PSMB7: variants seen among roughly 807,000 people sequenced by gnomAD.
PSMB7 encodes proteasome 20S subunit beta 7, also known as proteasome subunit beta type-7.
PSMB7 carries 5 observed loss-of-function variants against 28.1 expected under a neutral mutation model. The ratio of observed to expected loss-of-function variants is 0.18; its 90% CI spans 0.09 to 0.37. The LOEUF is 0.37. Among genes scored for constraint, PSMB7 ranks in the 10% least tolerant of loss-of-function variants. PSMB7 has a pLI of 1.00. For missense variants in PSMB7, 275 were observed against 346.2 expected (o/e 0.79, Z 1.63); for synonymous variants, 122 against 123.7 (o/e 0.99, Z 0.09).
At chr9:124,393,371 A>G (rs1311753957) in intron 5 of PSMB7, among the ~76,000 whole-genome samples, 3 of 152,218 alleles carry the variant, frequency 2.0e-5, no homozygotes, top group African/African-American at 7.2e-5. Flanking sequence ...TTGTCAGCAT[A>G]AACAGTTTAA....
At chr9:124,365,330 A>G (rs1470575707) in intron 6 of PSMB7, among the ~76,000 whole-genome samples, 1 of 152,216 alleles carries the variant, frequency 6.6e-6, no homozygotes, top group Non-Finnish European at 1.5e-5. Context: ...CGTGGGGTGC[A>G]GGTGATGGAG....
intron 6 of PSMB7, among the ~76,000 whole-genome samples, chr9:124,361,415 G>A (rs1290923610): frequency 6.6e-6 from 1 of 152,200 alleles, no homozygotes; most frequent in Non-Finnish European, 1.5e-5. Context: ...AGCTGTACCC[G>A]AGTGCTTGAG....
chr9:124,394,822 A>G (rs1455614019), intron 5 of PSMB7, among the ~76,000 whole-genome samples: 1 of 152,176 alleles, frequency 6.6e-6, no homozygotes, highest in Non-Finnish European at 1.5e-5. Flanking sequence ...CTTTGCAGCA[A>G]CCAAGAAACA....
intron 6 of PSMB7, among the ~76,000 whole-genome samples, chr9:124,382,824 A>AAG: frequency 6.6e-6 from 1 of 152,354 alleles, no homozygotes; most frequent in South Asian, 2.1e-4. Flanking sequence ...CAAACTCTAA[A>AAG]TAAGGTAAAA....
intron 5 of PSMB7, among the ~76,000 whole-genome samples, chr9:124,391,400 A>G (rs1361514977): frequency 6.6e-6 from 1 of 152,186 alleles, no homozygotes; most frequent in Non-Finnish European, 1.5e-5. Flanking sequence ...AGCCTGGGAG[A>G]TGGAGCTATC....
At chr9:124,372,976 A>G (rs1419006504) in intron 6 of PSMB7, among the ~76,000 whole-genome samples, 1 of 152,240 alleles carries the variant, frequency 6.6e-6, no homozygotes, top group Admixed American at 6.5e-5. Context: ...ACAAAATTCA[A>G]AAAGCAAGAA....
chr9:124,380,216 C>G (rs1830651392), intron 6 of PSMB7, among the ~76,000 whole-genome samples: 1 of 152,212 alleles, frequency 6.6e-6, no homozygotes, highest in Non-Finnish European at 1.5e-5. Flanking sequence ...AGTTTAATCC[C>G]TGGACTTACA....
chr9:124,365,688 G>A (rs748394603), intron 6 of PSMB7, among the ~76,000 whole-genome samples: 23 of 152,270 alleles, frequency 1.5e-4, no homozygotes, highest in African/African-American at 3.1e-4. Flanking sequence ...ACCCTGTAAC[G>A]CTGGGAGTCC....
At chr9:124,404,804 G>C (rs1351851506) in intron 5 of PSMB7, among the ~76,000 whole-genome samples, 1 of 152,094 alleles carries the variant, frequency 6.6e-6, no homozygotes, top group Non-Finnish European at 1.5e-5. Flanking sequence ...AGTGAGCCGA[G>C]ATCATGCCAC....
At position 124,412,419 on chromosome 9, in the gene PSMB7, A is replaced by C. The variant is rs762252807; in HGVS notation, c.328T>G (p.Ser110Ala). ...CTGGGAAGACGGCCAGTGGAGAGGG[A>C]GTGGAGCTCCAGGTTGGAAGAAATG... ...QLISSNLELH[S>A]LSTGRLPRVV... The change falls in exon 4 of 8, where the codon TCC (serine) becomes GCC (alanine). Residue 110 changes from serine to alanine, a missense_variant. This residue lies in a region of PSMB7 where 213 missense variants were observed against 302.4 expected (regional missense o/e 0.70). Transcript: ENST00000259457. The C allele has an allele frequency of 1.2e-6, 2 of 1,614,094 alleles. No homozygotes were observed. The highest frequency in any genetic ancestry group is 2.2e-5 in the South Asian group (2 of 91,084).
intron 6 of PSMB7, among the ~76,000 whole-genome samples, chr9:124,375,337 T>G (rs528944726): frequency 2.0e-5 from 3 of 151,562 alleles, no homozygotes; most frequent in East Asian, 1.9e-4. Context: ...ATTTTTTCTG[T>G]TTTTTTTGTA....
At chr9:124,413,348 G>A (rs1831049798) in intron 3 of PSMB7, among the ~76,000 whole-genome samples, 1 of 151,820 alleles carries the variant, frequency 6.6e-6, no homozygotes, top group South Asian at 2.1e-4. Flanking sequence ...ACAGGGTGAT[G>A]GCAACTGAAA....
chr9:124,410,990 T>G (rs1438650109), intron 4 of PSMB7, among the ~76,000 whole-genome samples: 6 of 152,140 alleles, frequency 3.9e-5, no homozygotes, highest in Non-Finnish European at 7.4e-5. Flanking sequence ...TTTTCTTTTT[T>G]TTTGAGACGG....
intron 1 of PSMB7, 181 bp downstream of exon 1, chr9:124,415,183 A>C (rs1831074128): frequency 5.8e-6 from 4 of 685,190 alleles, no homozygotes; most frequent in African/African-American, 1.8e-5. Flanking sequence ...GTGGGAGAGC[A>C]GACCCGGCTT....
At position 124,356,794 on chromosome 9, in the gene PSMB7, G is replaced by A. The variant is rs1431464746; in HGVS notation, c.692C>T (p.Pro231Leu). ...ISKNKLDFLR[P>L]YTVPNKKGTR... ...CCCCTTCTTGTTGGGCACTGTGTAT[G>A]GGCGGAGAAAATCCAGCTTGTTCTT... The change falls in exon 7 of 8, where the codon CCA becomes CTA. Residue 231 changes from proline to leucine, a missense_variant. This residue lies in a region of PSMB7 where 213 missense variants were observed against 302.4 expected (regional missense o/e 0.70). Coordinates refer to ENST00000259457, the MANE Select transcript of PSMB7 (RefSeq NM_002799.4). The surrounding 1 kb of genome is among the most constrained non-coding windows in gnomAD (Gnocchi z 4.4). 1 of 1,614,116 alleles carries A rather than the reference G, an allele frequency of 6.2e-7. No homozygotes were observed. The highest frequency in any genetic ancestry group is 8.5e-7 in the Non-Finnish European group (1 of 1,180,002).
At position 124,405,356 on chromosome 9, in the gene PSMB7, G is replaced by A. The variant is rs1438572537; in HGVS notation, c.472C>T (p.Pro158Ser). 1.2e-6 allele frequency: 2 copies of A among 1,613,822 alleles called. No homozygotes were observed. The highest frequency in any genetic ancestry group is 1.7e-5 in the Admixed American group (1 of 60,014). The stretch of plus-strand genomic sequence containing the variant: ...GGCAACTTATCAGTTGATCCATGAG[G>A]ATAGATGCTGTAGAGGTGAGGTCCA... Reference protein sequence around the residue: ...VTGPHLYSIYPHGSTDKLPYV... With the variant: ...VTGPHLYSIYSHGSTDKLPYV... The change falls in exon 5 of 8, where the codon CCT (proline) becomes TCT (serine). Residue 158 changes from proline (P) to serine (S), a missense_variant. Physicochemically the swap from Pro to Ser is moderately conservative, Grantham distance 74 (BLOSUM62 -1). Transcript: ENST00000259457.
At chr9:124,365,112 G>A (rs1830494797) in intron 6 of PSMB7, among the ~76,000 whole-genome samples, 1 of 152,236 alleles carries the variant, frequency 6.6e-6, no homozygotes, top group African/African-American at 2.4e-5. Context: ...AAACGGCCAG[G>A]TTAGCTTAGC....
chr9:124,408,250 G>A (rs1588583151), intron 4 of PSMB7, among the ~76,000 whole-genome samples: 2 of 152,146 alleles, frequency 1.3e-5, no homozygotes, highest in Admixed American at 1.3e-4. Context: ...GTAGTACAAC[G>A]TTTGTCAAGG....
chr9:124,374,585 G>A (rs1429611770), intron 6 of PSMB7, among the ~76,000 whole-genome samples: 1 of 152,204 alleles, frequency 6.6e-6, no homozygotes, highest in Non-Finnish European at 1.5e-5. Flanking sequence ...AGCTACTGAG[G>A]AGGCTGAGAC....
Sources: allele counts gnomAD v4.1 joint callset (sites outside exome capture counted in the v4.1 genomes callset), GRCh38; gene constraint gnomAD v4.1.1; regional missense constraint gnomAD v4.1.1; non-coding constraint Gnocchi (gnomAD v3.1); transcripts MANE v1.5; gene names NCBI Gene and HGNC (gene_info 2026-07-23, HGNC 2026-07-21).